Variants in RBM20 observed in about 807,000 individuals in gnomAD.
RBM20 encodes the protein RNA-binding protein 20.
Under a neutral mutation model 110.1 loss-of-function variants are expected in RBM20, and 51 were observed. The observed-to-expected ratio is 0.46, with a 90% CI of 0.37 to 0.59. The LOEUF (loss-of-function observed/expected upper bound fraction) is 0.59. Ranked by LOEUF, RBM20 falls within the 20% of genes least tolerant of loss-of-function variation. The probability of loss-of-function intolerance (pLI) is 0.00; values close to 1 mark genes in which losing one functional copy is unlikely to be tolerated. For missense variants in RBM20, 1,512 were observed against 1,574.9 expected, an observed-to-expected ratio of 0.96 and a Z score of 0.68; for synonymous variants, 589 against 618.2, an observed-to-expected ratio of 0.95 and a Z score of 0.70.
chr10:110,692,608 A>C (rs538560688), intron 1 of RBM20, among the ~76,000 whole-genome samples: 1 of 151,898 alleles, frequency 6.6e-6, no homozygotes, highest in South Asian at 2.1e-4. Context: ...CATCTTTGCT[A>C]TTTGTTTATG....
chr10:110,665,883 AG>A (rs1157332418), intron 1 of RBM20, among the ~76,000 whole-genome samples: 1 of 152,142 alleles, frequency 6.6e-6, no homozygotes, highest in Non-Finnish European at 1.5e-5. Context: ...TGGGAGGCCA[AG>A]ATGGGCAGAT....
chr10:110,660,920 C>T (rs1274186813), intron 1 of RBM20, among the ~76,000 whole-genome samples: 1 of 151,926 alleles, frequency 6.6e-6, no homozygotes, highest in African/African-American at 2.4e-5. Flanking sequence ...GGTTGGGGAC[C>T]GCTGTTCTGA....
chr10:110,801,775 G>T (rs1844628640), intron 7 of RBM20, among the ~76,000 whole-genome samples: 1 of 141,806 alleles, frequency 7.1e-6, no homozygotes, highest in Admixed American at 7.5e-5. Context: ...TCAATATCCT[G>T]ACCTTATGAT....
At chr10:110,796,366 A>G (rs1844550684) in intron 5 of RBM20, among the ~76,000 whole-genome samples, 1 of 152,260 alleles carries the variant, frequency 6.6e-6, no homozygotes, top group Non-Finnish European at 1.5e-5. Flanking sequence ...CCCAATTCCA[A>G]TAATTATCAA....
At chr10:110,804,589 C>T (rs950406991) in intron 7 of RBM20, among the ~76,000 whole-genome samples, 1 of 152,266 alleles carries the variant, frequency 6.6e-6, no homozygotes, top group Admixed American at 6.5e-5. Context: ...CAAGGGAGTT[C>T]CTCAGCTTAT....
chr10:110,677,165 C>T (rs1329182804), intron 1 of RBM20, among the ~76,000 whole-genome samples: 2 of 152,154 alleles, frequency 1.3e-5, no homozygotes, highest in Non-Finnish European at 2.9e-5. Context: ...GGAGGCTAAG[C>T]GTGCTAGCTC....
chr10:110,679,029 C>A (rs11591881), intron 1 of RBM20, among the ~76,000 whole-genome samples: 3,189 of 152,228 alleles, frequency 0.021, 51 homozygotes, highest in Non-Finnish European at 0.033. Flanking sequence ...GCCATGGAGA[C>A]CTGGGCAGGA....
intron 1 of RBM20, among the ~76,000 whole-genome samples, chr10:110,723,735 A>G (rs1057454570): frequency 6.6e-6 from 1 of 152,208 alleles, no homozygotes; most frequent in African/African-American, 2.4e-5. Flanking sequence ...CTGGAGACAC[A>G]TCTATTCAAA....
rs755752098 is a variant in RBM20, at chr10:110,797,656, T to G, written c.1668+8T>G. ...ATGAAGTCGACTAATCAGGTAGGTC[T>G]GGGTACTTTCACTCCAGTGTATATG... On this transcript the variant is annotated splice_region_variant and intron_variant, in intron 6 of 13. Coordinates refer to ENST00000369519, the MANE Select transcript of RBM20 (RefSeq NM_001134363.3). The G allele has an allele frequency of 3.9e-6, 6 of 1,551,588 alleles. No homozygotes were observed. The South Asian group carries it at 4.8e-5, about 12-fold the overall frequency.
intron 1 of RBM20, among the ~76,000 whole-genome samples, chr10:110,669,920 G>T (rs1228001985): frequency 1.3e-5 from 2 of 152,152 alleles, no homozygotes; most frequent in African/African-American, 4.8e-5. Flanking sequence ...CCTGATTAAA[G>T]GTTGCTGAAT....
chr10:110,705,036 G>A (rs1211926069), intron 1 of RBM20, among the ~76,000 whole-genome samples: 1 of 152,162 alleles, frequency 6.6e-6, no homozygotes, highest in Non-Finnish European at 1.5e-5. Flanking sequence ...CAGAAGCATG[G>A]CCTTGCTGGA....
In RBM20 at chr10:110,699,428, C is replaced by T. The variant is rs1027615670; in HGVS notation, c.191+54783C>T. On this transcript the variant is annotated intron_variant, in intron 1 of 13. Coordinates refer to ENST00000369519, the MANE Select transcript of RBM20 (RefSeq NM_001134363.3). Reference sequence around the variant, plus strand: ...CTGAGATTACAGGCGCTGACCACCACGCCTGGCTAATTTTTGTATTTTTAG... The same window carrying T: ...CTGAGATTACAGGCGCTGACCACCATGCCTGGCTAATTTTTGTATTTTTAG... 4.5e-4 allele frequency among the ~76,000 whole-genome samples: 69 copies of T among 151,790 alleles called. 1 individual carries two copies. Among genetic ancestry groups the T allele is most frequent in the Admixed American group, 4.1e-3 (63 of 15,246 alleles).
intron 7 of RBM20, among the ~76,000 whole-genome samples, chr10:110,809,721 T>C (rs1844741112): frequency 6.6e-6 from 1 of 152,196 alleles, no homozygotes; most frequent in Non-Finnish European, 1.5e-5. Context: ...AGCTGATGTC[T>C]GTGCTTGAGG....
At chr10:110,673,899 G>A (rs1466358348) in intron 1 of RBM20, among the ~76,000 whole-genome samples, 3 of 152,144 alleles carry the variant, frequency 2.0e-5, no homozygotes, top group Non-Finnish European at 4.4e-5. Context: ...TTTACTGTGG[G>A]TGGCATAGCT....
intron 1 of RBM20, among the ~76,000 whole-genome samples, chr10:110,732,597 T>C (rs1406245065): frequency 2.0e-5 from 3 of 152,222 alleles, no homozygotes; most frequent in Admixed American, 6.5e-5. Flanking sequence ...GGTTTTGCCT[T>C]TCTGGGGTCC....
intron 5 of RBM20, among the ~76,000 whole-genome samples, chr10:110,791,227 G>C (rs556290790): frequency 6.6e-6 from 1 of 152,322 alleles, no homozygotes; most frequent in South Asian, 2.1e-4. Flanking sequence ...TCAACATCAT[G>C]AGAGATAAAT....
intron 13 of RBM20, 133 bp from the exon 14 acceptor site, chr10:110,835,735 C>T: frequency 1.2e-6 from 1 of 803,244 alleles, no homozygotes; most frequent in Non-Finnish European, 1.9e-6. Context: ...ATCTCTGAAC[C>T]AGGAAAAGGG....
At chr10:110,783,869 A>G (rs1009387995) in intron 3 of RBM20, among the ~76,000 whole-genome samples, 3 of 152,224 alleles carry the variant, frequency 2.0e-5, no homozygotes, top group Non-Finnish European at 4.4e-5. Context: ...CTCCAAAAGG[A>G]AACCTCATAC....
chr10:110,754,655 T>A, intron 1 of RBM20, among the ~76,000 whole-genome samples: 1 of 152,268 alleles, frequency 6.6e-6, no homozygotes, highest in Non-Finnish European at 1.5e-5. Context: ...TGTTTTTAAA[T>A]TTTTCCTTTC....
Sources: gnomAD v4.1 joint callset for allele counts (sites outside exome capture counted in the v4.1 genomes callset) on GRCh38, gnomAD v4.1.1 for gene constraint, MANE v1.5 for transcripts, NCBI Gene and HGNC (gene_info 2026-07-23, HGNC 2026-07-21) for gene names.